MACROD2: variants seen among roughly 807,000 people sequenced by gnomAD.
MACROD2 encodes mono-ADP ribosylhydrolase 2, also known as ADP-ribose glycohydrolase MACROD2.
MACROD2 carries 36 observed loss-of-function variants against 70.4 expected under a neutral mutation model. The observed-to-expected ratio is 0.51, with a 90% CI of 0.39 to 0.68. The LOEUF (loss-of-function observed/expected upper bound fraction) is 0.68, where lower values mean the gene tolerates loss of function less well. Among genes scored for constraint, MACROD2 ranks in the 30% least tolerant of loss-of-function variants. The pLI is 0.00. For synonymous variants in MACROD2, 172 were observed against 178.8 expected (o/e 0.96, Z 0.30); for missense variants, 496 against 538.4 (o/e 0.92, Z 0.78).
At chr20:15,842,814 C>T (rs1474513640) in intron 8 of MACROD2, among the ~76,000 whole-genome samples, 4 of 152,004 alleles carry the variant, frequency 2.6e-5, no homozygotes, top group Non-Finnish European at 2.9e-5. Context: ...CTATAAGGCA[C>T]GTAACACTTT....
chr20:14,448,701 G>GA (rs1568616451), intron 3 of MACROD2, among the ~76,000 whole-genome samples: 103 of 151,558 alleles, frequency 6.8e-4, no homozygotes, highest in Middle Eastern at 6.8e-3. Flanking sequence ...AGAAAGAAAG[G>GA]CGGTGAGAGA....
At chr20:14,247,247 C>G (rs939172095) in intron 3 of MACROD2, among the ~76,000 whole-genome samples, 1 of 152,124 alleles carries the variant, frequency 6.6e-6, no homozygotes, top group Non-Finnish European at 1.5e-5. Flanking sequence ...AGATCCAAAA[C>G]TTGGACCTGA....
Position 14,385,251 on chromosome 20 carries a change from A to G in MACROD2, c.272-108228A>G, listed in dbSNP as rs562925516. Among the ~76,000 whole-genome samples, 259 of 152,300 alleles carry G rather than the reference A, an allele frequency of 1.7e-3. 1 individual carries two copies. Among genetic ancestry groups the G allele is most frequent in the African/African-American group, 6.1e-3 (252 of 41,584 alleles). Reference sequence around the variant, plus strand: ...ATCATTTAAATAAAGCTTTAGGAGTAAAATGATACACTATTATTTTAGTTA... The same window carrying G: ...ATCATTTAAATAAAGCTTTAGGAGTGAAATGATACACTATTATTTTAGTTA... On this transcript the variant is annotated intron_variant, in intron 3 of 17. Transcript: ENST00000684519.
chr20:15,902,558 G>C (rs2065080174), intron 10 of MACROD2, among the ~76,000 whole-genome samples: 1 of 152,002 alleles, frequency 6.6e-6, no homozygotes, highest in South Asian at 2.1e-4. Context: ...TTGAGGTTCT[G>C]GGCCACCATA....
At chr20:14,068,254 CCT>C (rs1286516576) in intron 2 of MACROD2, among the ~76,000 whole-genome samples, 19 of 152,222 alleles carry the variant, frequency 1.2e-4, no homozygotes, top group African/African-American at 4.6e-4. Context: ...AACAGATTAT[CCT>C]CTCGCACCCC....
In MACROD2 at chr20:14,569,036, T is replaced by C. The variant is rs369228202; in HGVS notation, c.301+75528T>C. ...GAGAGATATTCTGGCAGTACGTAAATCTGAAATTCTGTTTTGCTTCAAAAA... is the reference window on the plus strand; with the variant it reads ...GAGAGATATTCTGGCAGTACGTAAACCTGAAATTCTGTTTTGCTTCAAAAA... On this transcript the variant is annotated intron_variant, in intron 4 of 17. Transcript: ENST00000684519. Among the ~76,000 whole-genome samples the C allele has an allele frequency of 2.0e-5, 3 of 152,128 alleles. No homozygotes were observed. In the East Asian group the frequency reaches 5.8e-4, roughly 29 times the overall value.
chr20:14,146,136 C>T (rs1195190514), intron 3 of MACROD2, among the ~76,000 whole-genome samples: 1 of 152,116 alleles, frequency 6.6e-6, no homozygotes, highest in Non-Finnish European at 1.5e-5. Context: ...TCCTGGCTAA[C>T]ACGGTGAAAC....
chr20:14,523,215 G>A (rs566799052), intron 4 of MACROD2, among the ~76,000 whole-genome samples: 2 of 152,168 alleles, frequency 1.3e-5, no homozygotes, highest in African/African-American at 4.8e-5. Context: ...AAAACCTTTC[G>A]AGGCCTCACC....
At chr20:14,625,024 G>A (rs890412794) in intron 4 of MACROD2, among the ~76,000 whole-genome samples, 4 of 152,024 alleles carry the variant, frequency 2.6e-5, no homozygotes, top group Non-Finnish European at 4.4e-5. Context: ...GCTGGTGAGG[G>A]ACCTAGGAGA....
intron 8 of MACROD2, among the ~76,000 whole-genome samples, chr20:15,825,883 T>G (rs1274135144): frequency 6.6e-6 from 1 of 152,130 alleles, no homozygotes; most frequent in Non-Finnish European, 1.5e-5. Context: ...AAAGTTGAGA[T>G]TCATGAAGAG....
chr20:14,006,338 G>A (rs571188640), intron 2 of MACROD2, among the ~76,000 whole-genome samples: 1 of 152,116 alleles, frequency 6.6e-6, no homozygotes, highest in African/African-American at 2.4e-5. Context: ...GTTATTACAC[G>A]GCCAATTTTA....
chr20:16,011,295 G>C (rs1248276407), intron 15 of MACROD2, among the ~76,000 whole-genome samples: 1 of 152,230 alleles, frequency 6.6e-6, no homozygotes, highest in Admixed American at 6.5e-5. Context: ...GTCAGAGTCT[G>C]TGAGGCCAAA....
Position 15,662,938 on chromosome 20 carries a change from C to T in MACROD2, c.645+163091C>T, listed in dbSNP as rs111545634. Among the ~76,000 whole-genome samples the T allele has an allele frequency of 2.9e-3, 442 of 151,988 alleles. 4 individuals carry two copies. The highest frequency in any genetic ancestry group is 9.5e-3 in the African/African-American group (395 of 41,468). Reference sequence around the variant, plus strand: ...TCTTGTAATTCTTTTATACAAGTGACTTCTGTCGCTTAAATAAGTCCTCGA... The same window carrying T: ...TCTTGTAATTCTTTTATACAAGTGATTTCTGTCGCTTAAATAAGTCCTCGA... On this transcript the variant is annotated intron_variant, in intron 8 of 17. Transcript: ENST00000684519.
chr20:14,233,671 T>A (rs549707994), intron 3 of MACROD2, among the ~76,000 whole-genome samples: 88 of 117,876 alleles, frequency 7.5e-4, no homozygotes, highest in African/African-American at 2.8e-3. Context: ...CACTCCCGCC[T>A]GGGCGACAGA....
chr20:14,161,191 C>CTTT (rs376789442), intron 3 of MACROD2, among the ~76,000 whole-genome samples: 5 of 136,928 alleles, frequency 3.7e-5, no homozygotes, highest in South Asian at 2.3e-4. Flanking sequence ...TTTTCTTTTT[C>CTTT]TTTTTTTTTT....
At chr20:15,527,778 G>A (rs73897654) in intron 8 of MACROD2, among the ~76,000 whole-genome samples, 2,499 of 152,260 alleles carry the variant, frequency 0.016, 68 homozygotes, top group African/African-American at 0.057. Context: ...GTGCACATGA[G>A]GCCAGGAAAG....
chr20:14,471,380 A>G (rs77251526), intron 3 of MACROD2, among the ~76,000 whole-genome samples: 4,407 of 152,292 alleles, frequency 0.029, 103 homozygotes, highest in Non-Finnish European at 0.042. Flanking sequence ...CCATCTTGCC[A>G]GCCCTTTCTG....
chr20:14,542,300 CTTTA>C (rs1054451520), intron 4 of MACROD2, among the ~76,000 whole-genome samples: 2 of 152,124 alleles, frequency 1.3e-5, no homozygotes, highest in African/African-American at 4.8e-5. Context: ...ATGTGCTGCT[CTTTA>C]TTTATTTACT....
In MACROD2 at chr20:14,964,302, G is replaced by A. The variant is rs151030627; in HGVS notation, c.419-265638G>A. Among the ~76,000 whole-genome samples, 312 of 152,264 alleles carry A rather than the reference G, an allele frequency of 2.0e-3. 2 individuals carry two copies. The highest frequency in any genetic ancestry group is 6.9e-3 in the African/African-American group (288 of 41,558). On this transcript the variant is annotated intron_variant, in intron 5 of 17. Coordinates refer to ENST00000684519, the MANE Select transcript of MACROD2 (RefSeq NM_001351661.2). ...TGAGACTGCACACAGGCCGGGCGCG[G>A]TGGCTCACGCCTGTAATCCCAGCAC...
Sources: gnomAD v4.1 joint callset for allele counts (sites outside exome capture counted in the v4.1 genomes callset) on GRCh38, gnomAD v4.1.1 for gene constraint, MANE v1.5 for transcripts, NCBI Gene and HGNC (gene_info 2026-07-23, HGNC 2026-07-21) for gene names.